The following KALRN variants were observed in gnomAD, a reference collection of about 807,000 sequenced individuals.
KALRN encodes kalirin.
A neutral mutation model predicts 353.7 loss-of-function variants in KALRN; 70 were observed. The observed-to-expected ratio is 0.20, with a 90% CI of 0.16 to 0.24. KALRN has a LOEUF of 0.24. Among genes scored for constraint, KALRN ranks in the 10% least tolerant of loss-of-function variants. KALRN has a pLI of 1.00. For missense variants in KALRN, 2,791 were observed against 3,756.7 expected (o/e 0.74, Z 6.72); for synonymous variants, 1,391 against 1,434.8 (o/e 0.97, Z 0.69).
chr3:124,222,033 G>GATAA (rs1409028830), intron 1 of KALRN, among the ~76,000 whole-genome samples: 1 of 152,172 alleles, frequency 6.6e-6, no homozygotes, highest in Admixed American at 6.5e-5. Flanking sequence ...GTGCAGGTGG[G>GATAA]ATAAAGAGGC....
chr3:124,601,051 A>G (rs1334100790), intron 34 of KALRN, among the ~76,000 whole-genome samples: 2 of 152,210 alleles, frequency 1.3e-5, no homozygotes, highest in Non-Finnish European at 2.9e-5. Flanking sequence ...AGAGCCAAGC[A>G]TGGGTTAGGA....
At chr3:124,463,689 C>T (rs1385227512) in intron 25 of KALRN, among the ~76,000 whole-genome samples, 1 of 152,016 alleles carries the variant, frequency 6.6e-6, no homozygotes, top group Admixed American at 6.6e-5. Flanking sequence ...CTAGAATAGC[C>T]CTGTGCTAAG....
At chr3:124,423,628 C>A (rs2092883971) in intron 15 of KALRN, among the ~76,000 whole-genome samples, 1 of 152,194 alleles carries the variant, frequency 6.6e-6, no homozygotes, top group Non-Finnish European at 1.5e-5. Flanking sequence ...GTAGTCCCAA[C>A]ACTTTGGGAG....
At chr3:124,656,071 T>C (rs1327669205) in intron 39 of KALRN, among the ~76,000 whole-genome samples, 1 of 152,152 alleles carries the variant, frequency 6.6e-6, no homozygotes, top group Non-Finnish European at 1.5e-5. Flanking sequence ...TACATTTCCA[T>C]AGATTTCAAG....
chr3:124,365,237 G>A (rs755238817), intron 10 of KALRN, among the ~76,000 whole-genome samples: 92 of 152,222 alleles, frequency 6.0e-4, no homozygotes, highest in Non-Finnish European at 1.1e-3. Context: ...CTTATATACT[G>A]AGCATTCTGA....
At chr3:124,069,315 AG>A (rs2042641045) in intron 1 of KALRN, among the ~76,000 whole-genome samples, 3 of 4,444 alleles carry the variant, frequency 6.8e-4, no homozygotes, top group Non-Finnish European at 1.2e-3. Context: ...GAAACCTAGG[AG>A]GAGGAGGAGG....
At chr3:124,314,819 T>C (rs553582292) in intron 6 of KALRN, among the ~76,000 whole-genome samples, 42 of 132,116 alleles carry the variant, frequency 3.2e-4, no homozygotes, top group Middle Eastern at 3.9e-3. Context: ...CCATGCTGGC[T>C]AATTTTTTAA....
chr3:124,632,288 G>C, intron 34 of KALRN, 132 bp from the exon 35 acceptor site: 1 of 790,228 alleles, frequency 1.3e-6, no homozygotes. Flanking sequence ...GGGTTCTCTG[G>C]ACTGGGGTCT....
intron 3 of KALRN, among the ~76,000 whole-genome samples, chr3:124,262,857 T>C (rs920432079): frequency 5.3e-5 from 8 of 152,222 alleles, no homozygotes; most frequent in Non-Finnish European, 2.9e-5. Flanking sequence ...TCAGGTAACA[T>C]ACATAGTGGT....
Position 124,550,138 on chromosome 3 carries a change from G to A in KALRN, c.4936-12705G>A, listed in dbSNP as rs866072137. 9.8e-5 allele frequency among the ~76,000 whole-genome samples: 15 copies of A among 152,292 alleles called. 1 individual carries two copies. Among genetic ancestry groups the A allele is most frequent in the Middle Eastern group, 3.4e-3 (1 of 294 alleles). On this transcript the variant is annotated intron_variant, in intron 33 of 59. Transcript: ENST00000682506. ...AGCATAGGGGCTTCCAAGAGACAAA[G>A]GAAAGACTTAATAGCTTTGCAGGAC...
At chr3:124,328,403 C>T (rs938970620) in intron 7 of KALRN, among the ~76,000 whole-genome samples, 2 of 152,112 alleles carry the variant, frequency 1.3e-5, no homozygotes, top group African/African-American at 4.8e-5. Context: ...TTGAGGTGAT[C>T]GTTTTGTGGG....
At chr3:124,606,172 AG>A (rs1317012033) in intron 34 of KALRN, among the ~76,000 whole-genome samples, 20 of 152,230 alleles carry the variant, frequency 1.3e-4, no homozygotes, top group Admixed American at 1.3e-3. Flanking sequence ...GAAAACACAG[AG>A]AGAAATAAAA....
intron 6 of KALRN, among the ~76,000 whole-genome samples, chr3:124,321,336 T>C (rs1439555437): frequency 1.3e-5 from 2 of 152,270 alleles, no homozygotes; most frequent in Non-Finnish European, 2.9e-5. Context: ...ACCAAAATGA[T>C]AACTTGCATA....
chr3:124,411,453 T>TTTTTTTTTTTA, intron 13 of KALRN, among the ~76,000 whole-genome samples: 1 of 135,274 alleles, frequency 7.4e-6, no homozygotes, highest in South Asian at 2.5e-4. Context: ...TTTTTTTTTT[T>TTTTTTTTTTTA]TTTTTTTTAA....
At chr3:124,675,205 T>G (rs1269185039) in intron 49 of KALRN, 1 of 152,162 alleles carries the variant, frequency 6.6e-6, no homozygotes, top group African/African-American at 2.4e-5. Context: ...CATAGTAATT[T>G]GTAAGATACT....
chr3:124,404,405 C>A (rs977816166), intron 13 of KALRN, among the ~76,000 whole-genome samples: 1 of 152,018 alleles, frequency 6.6e-6, no homozygotes, highest in African/African-American at 2.4e-5. Flanking sequence ...CACTGACTGT[C>A]TTGGTCACTG....
intron 37 of KALRN, among the ~76,000 whole-genome samples, chr3:124,638,422 C>T (rs2149917204): frequency 6.6e-6 from 1 of 152,082 alleles, no homozygotes; most frequent in South Asian, 2.1e-4. Flanking sequence ...CTTTCCTTTT[C>T]CTACCAGCAG....
chr3:124,084,687 C>T (rs185971976), intron 1 of KALRN, among the ~76,000 whole-genome samples: 4 of 152,224 alleles, frequency 2.6e-5, no homozygotes, highest in Middle Eastern at 3.4e-3. Context: ...ATTTTTTTGG[C>T]TTTGGCTTCT....
intron 1 of KALRN, among the ~76,000 whole-genome samples, chr3:124,120,444 C>T (rs974254579): frequency 1.1e-4 from 17 of 152,182 alleles, no homozygotes; most frequent in South Asian, 2.1e-4. Flanking sequence ...GAAAGCTTAG[C>T]GAGCATGTTG....
Sources: allele counts gnomAD v4.1 joint callset (sites outside exome capture counted in the v4.1 genomes callset), GRCh38; gene constraint gnomAD v4.1.1; transcripts MANE v1.5; gene names NCBI Gene and HGNC (gene_info 2026-07-23, HGNC 2026-07-21).